Variants in CP observed in about 807,000 individuals in gnomAD.
CP encodes the protein ceruloplasmin, also known as caeruloplasmin.
CP carries 64 observed loss-of-function variants against 122.4 expected under a neutral mutation model. The observed-to-expected ratio is 0.52, with a 90% CI of 0.43 to 0.64. CP has a LOEUF of 0.64. Ranked by LOEUF, CP falls within the 30% of genes least tolerant of loss-of-function variation. CP has a pLI of 0.00. For synonymous variants in CP, 440 were observed against 436.4 expected (o/e 1.01, Z -0.10); for missense variants, 1,167 against 1,284.4 (o/e 0.91, Z 1.40).
rs1388827451 is a variant in CP, at chr3:149,173,490, AC to A, written c.*223del. ...TTAGACTGTATGAATCAGTTTTATT[AC>A]CTAGTGTACAAGTGTCAGTCATGTA... On this transcript the variant is annotated 3_prime_UTR_variant, in exon 19 of 19. Coordinates refer to ENST00000264613, the MANE Select transcript of CP (RefSeq NM_000096.4). 2.6e-6 allele frequency: 1 copy of A among 389,624 alleles called. No individual in the cohort carries two copies. The highest frequency in any genetic ancestry group is 2.1e-5 in the African/African-American group (1 of 47,638). 24.1% of individuals were successfully genotyped at this position (389,624 alleles called of 1,614,324 possible). A position where few individuals can be genotyped will look rare whatever the true frequency, so the allele number is the denominator to read the frequency against.
Position 149,167,153 on chromosome 3 carries a change from G to C in CP, c.587-1103C>G, listed in dbSNP as rs747611171. 4.3e-6 allele frequency: 7 copies of C among 1,613,866 alleles called. No homozygotes were observed. In the Admixed American group the frequency reaches 1.2e-4, roughly 27 times the overall value. ...TTCTGTGTCGTACACGCTTGAAAGA[G>C]TATGAACAGTGCATAGACATACTGT... On this transcript the variant is annotated intron_variant, in intron 4 of 5. Coordinates refer to the CP transcript ENST00000479771.
At chr3:149,214,523 C>T (rs1308948196) in intron 1 of CP, among the ~76,000 whole-genome samples, 1 of 152,088 alleles carries the variant, frequency 6.6e-6, no homozygotes, top group Non-Finnish European at 1.5e-5. Context: ...ATCCCCTGTC[C>T]TGGTGGGAGG....
chr3:149,203,742 G>C (rs1272802552), intron 6 of CP, among the ~76,000 whole-genome samples: 4 of 152,148 alleles, frequency 2.6e-5, no homozygotes, highest in Admixed American at 2.6e-4. Context: ...CTCTTTGCTG[G>C]GAATCCTGCT....
At chr3:149,191,832 T>C (rs1726566940) in intron 9 of CP, among the ~76,000 whole-genome samples, 3 of 151,946 alleles carry the variant, frequency 2.0e-5, no homozygotes, top group African/African-American at 7.2e-5. Context: ...TGCATAATAT[T>C]AAGAAAAACA....
intron 14 of CP, 31 bp downstream of exon 14, chr3:149,181,974 G>GGGGGGGGGGC: frequency 1.5e-6 from 2 of 1,356,686 alleles, no homozygotes; most frequent in Non-Finnish European, 2.1e-6. Flanking sequence ...CTGTTAAAAT[G>GGGGGGGGGGC]CACCACCCCC....
At chr3:149,162,479 A>G in exon 6 of CP, 1 of 884,680 alleles carries the variant, frequency 1.1e-6, no homozygotes. Context: ...AAAAGTACTA[A>G]TTAAAAGACT....
intron 6 of CP, among the ~76,000 whole-genome samples, chr3:149,202,738 G>A (rs1254599579): frequency 6.7e-6 from 1 of 150,364 alleles, no homozygotes; most frequent in Non-Finnish European, 1.5e-5. Flanking sequence ...CTCCCGAGTA[G>A]CTGGGACTAC....
At chr3:149,218,305 T>A (rs1728592377) in intron 1 of CP, among the ~76,000 whole-genome samples, 1 of 152,174 alleles carries the variant, frequency 6.6e-6, no homozygotes, top group Non-Finnish European at 1.5e-5. Flanking sequence ...TTATTTTAAT[T>A]TGAATATATA....
intron 7 of CP, chr3:149,200,120 G>A: frequency 4.2e-6 from 2 of 472,240 alleles, no homozygotes; most frequent in South Asian, 2.1e-5. Flanking sequence ...CAGTTAGTAA[G>A]CTTTACACAT....
At chr3:149,181,975 C>CGGGGGCGGG in intron 14 of CP, 30 bp downstream of exon 14, 2 of 1,088,426 alleles carry the variant, frequency 1.8e-6, no homozygotes, top group Admixed American at 1.8e-5. Context: ...TGTTAAAATG[C>CGGGGGCGGG]ACCACCCCCA....
chr3:149,211,515 A>C (rs1004843242), intron 2 of CP, among the ~76,000 whole-genome samples: 1 of 152,206 alleles, frequency 6.6e-6, no homozygotes, highest in South Asian at 2.1e-4. Flanking sequence ...TAAGAATGAG[A>C]TCACAGGCAC....
chr3:149,172,319 C>A, downstream of CP: 13 of 208,598 alleles, frequency 6.2e-5, no homozygotes, highest in Non-Finnish European at 8.9e-5. Context: ...TTTTATATAT[C>A]ACACACACAC....
chr3:149,171,188 G>C (rs1026406721), downstream of CP, among the ~76,000 whole-genome samples: 3 of 152,064 alleles, frequency 2.0e-5, no homozygotes, highest in African/African-American at 7.2e-5. Context: ...TGAGGCAGGA[G>C]AATCTCTTGG....
intron 1 of CP, chr3:149,217,912 G>T (rs1455793006): frequency 4.5e-6 from 2 of 446,412 alleles, no homozygotes; most frequent in East Asian, 8.0e-5. Flanking sequence ...GTCAGGATTT[G>T]AGCTGTTATT....
intron 11 of CP, chr3:149,186,072 T>G (rs1477423199): frequency 4.6e-6 from 1 of 216,434 alleles, no homozygotes; most frequent in Non-Finnish European, 9.3e-6. Context: ...GAGCCAGGTC[T>G]GTAGATGTCT....
chr3:149,213,632 GT>G (rs1452626178), intron 1 of CP, among the ~76,000 whole-genome samples: 254 of 2,340 alleles, frequency 0.11, 1 homozygote, highest in Admixed American at 0.26. Flanking sequence ...ATCATCATGG[GT>G]GTGTGTGTGT....
At chr3:149,215,064 T>A (rs1385657316) in intron 1 of CP, among the ~76,000 whole-genome samples, 1 of 152,238 alleles carries the variant, frequency 6.6e-6, no homozygotes, top group Admixed American at 6.5e-5. Context: ...AGAGATTGAT[T>A]TGATAATATT....
intron 5 of CP, among the ~76,000 whole-genome samples, chr3:149,165,622 G>A (rs986141325): frequency 6.6e-6 from 1 of 152,080 alleles, no homozygotes; most frequent in Non-Finnish European, 1.5e-5. Context: ...GATTACAGGT[G>A]TGAGTCACTG....
rs1376486509 is a variant in CP at position 149,210,202 on chromosome 3, G to C, written c.572C>G (p.Ser191Ter). Reference sequence around the variant, plus strand: ...GATTATTAAAGGTCCGATGAGTCCTGAGGCAATATCTTTTGGAGCATCAAT... The same window carrying C: ...GATTATTAAAGGTCCGATGAGTCCTCAGGCAATATCTTTTGGAGCATCAAT... ...SHIDAPKDIA[S>*]GLIGPLIICK... The change falls in exon 3 of 19, where the codon TCA becomes TGA. Residue 191 changes from serine to a stop codon, truncating the protein, a stop_gained. Transcript: ENST00000264613. LOFTEE classifies it high-confidence loss of function. The C allele has an allele frequency of 6.2e-7, 1 of 1,614,022 alleles. No individual in the cohort carries two copies. Among genetic ancestry groups the C allele is most frequent in the South Asian group, 1.1e-5 (1 of 91,084 alleles).
Sources: allele counts gnomAD v4.1 joint callset (sites outside exome capture counted in the v4.1 genomes callset), GRCh38; gene constraint gnomAD v4.1.1; transcripts MANE v1.5; gene names NCBI Gene and HGNC (gene_info 2026-07-23, HGNC 2026-07-21).